The following COL4A4 variants were observed in gnomAD, a reference collection of about 807,000 sequenced individuals.
The protein encoded by COL4A4 is collagen alpha-4(IV) chain.
A neutral mutation model predicts 192.9 loss-of-function variants in COL4A4; 105 were observed. The ratio of observed to expected loss-of-function variants is 0.54; its 90% CI spans 0.46 to 0.64. The LOEUF is 0.64. Ranked by LOEUF, COL4A4 falls within the 30% of genes least tolerant of loss-of-function variation. The pLI, the probability that COL4A4 is intolerant of heterozygous loss-of-function variation, is 0.00. For missense variants in COL4A4, 1,967 were observed against 2,169.3 expected, an observed-to-expected ratio of 0.91 and a Z score of 1.85; for synonymous variants, 762 against 769.9, an observed-to-expected ratio of 0.99 and a Z score of 0.17.
At chr2:227,109,981 T>G (rs2061101002) in intron 9 of COL4A4, among the ~76,000 whole-genome samples, 1 of 152,206 alleles carries the variant, frequency 6.6e-6, no homozygotes, top group Non-Finnish European at 1.5e-5. Context: ...ACATTATATA[T>G]TAATGTATTT....
chr2:227,065,659 G>C (rs1171395876), intron 25 of COL4A4, among the ~76,000 whole-genome samples: 1 of 152,162 alleles, frequency 6.6e-6, no homozygotes, highest in Admixed American at 6.5e-5. Context: ...CAGACCTGCA[G>C]CTGAGGGTAC....
At chr2:227,105,188 ATTT>A (rs36065792) in intron 12 of COL4A4, among the ~76,000 whole-genome samples, 1 of 104,068 alleles carries the variant, frequency 9.6e-6, no homozygotes, top group Admixed American at 1.2e-4. Flanking sequence ...CAGGATCCTG[ATTT>A]TTTTTTTTTT....
At chr2:227,083,469 C>A (rs1218206115) in intron 22 of COL4A4, among the ~76,000 whole-genome samples, 3 of 151,994 alleles carry the variant, frequency 2.0e-5, no homozygotes, top group African/African-American at 7.2e-5. Flanking sequence ...TTTTTTGAGA[C>A]GGGGTCTCAC....
intron 43 of COL4A4, chr2:227,022,653 AT>A (rs1966253956): frequency 1.3e-5 from 6 of 470,644 alleles, no homozygotes; most frequent in South Asian, 9.9e-5. Flanking sequence ...CTAACATAGA[AT>A]TTCAGGATTG....
chr2:227,075,200 C>T (rs183257747), intron 25 of COL4A4, among the ~76,000 whole-genome samples: 4 of 152,146 alleles, frequency 2.6e-5, no homozygotes, highest in Non-Finnish European at 1.5e-5. Flanking sequence ...GACACAACAA[C>T]AAAAATTTTC....
At position 227,047,536 on chromosome 2, in the gene COL4A4, G is replaced by T. The variant is rs1973138989; in HGVS notation, c.3228C>A (p.Asp1076Glu). The change falls in exon 35 of 48, where the codon GAC (aspartate) becomes GAA (glutamate). Residue 1076 changes from aspartate (D) to glutamate (E), a missense_variant. Coordinates refer to ENST00000396625, the MANE Select transcript of COL4A4 (RefSeq NM_000092.5). The part of the protein sequence containing the change: ...GARGPKGNKG[D>E]PASHFGPPGP... ...CAGGTGGACCAAAGTGACTGGCAGG[G>T]TCACCTTTGTTTCCTGAAAGGGATA... The T allele has an allele frequency of 2.5e-6, 4 of 1,613,346 alleles. No homozygotes were observed. Among genetic ancestry groups the T allele is most frequent in the African/African-American group, 2.7e-5 (2 of 74,986 alleles).
intron 3 of COL4A4, among the ~76,000 whole-genome samples, chr2:227,140,918 CA>C (rs1559725981): frequency 2.6e-4 from 38 of 146,384 alleles, no homozygotes; most frequent in East Asian, 7.8e-4. Flanking sequence ...CACACACACA[CA>C]CACCCTTTAG....
chr2:227,111,831 T>A lies in COL4A4; in HGVS notation c.559-118A>T, dbSNP rs191640329. On this transcript the variant is annotated intron_variant, in intron 8 of 47. Transcript: ENST00000396625. ...CTCATCTAACTGCAGTTTGTTCAAT[T>A]TTTTTGGTGTTGACTAAAATTGAGG... is the stretch of plus-strand genomic sequence containing the variant. The A allele has an allele frequency of 4.4e-4, 478 of 1,094,470 alleles. 1 individual carries two copies. In the African/African-American group the frequency reaches 6.3e-3, roughly 15 times the overall value. The allele number at this position is 1,094,470 out of a possible 1,614,324, so 67.8% of individuals were successfully genotyped here.
At chr2:227,031,041 A>ATG (rs1553626076) in intron 40 of COL4A4, among the ~76,000 whole-genome samples, 34 of 146,240 alleles carry the variant, frequency 2.3e-4, no homozygotes, top group African/African-American at 4.4e-4. Flanking sequence ...TTGGATGGAC[A>ATG]GATGGATGGA....
intron 27 of COL4A4, 29 bp downstream of exon 27, chr2:227,060,101 GAAAAAA>G (rs71422223): frequency 3.4e-5 from 17 of 505,754 alleles, no homozygotes; most frequent in Middle Eastern, 5.7e-4. Flanking sequence ...TCCCAAAGCA[GAAAAAA>G]AAAAAAAAAA....
In COL4A4 at chr2:227,069,399, C is replaced by T. The variant is rs527349739; in HGVS notation, c.1988-6801G>A. Among the ~76,000 whole-genome samples, 679 of 152,240 alleles carry T rather than the reference C, an allele frequency of 4.5e-3. 3 individuals are homozygous for T. Among genetic ancestry groups the T allele is most frequent in the Non-Finnish European group, 7.5e-3 (509 of 68,026 alleles). Reference sequence around the variant, plus strand: ...AGTTCATATGGAACCAAAAAAGAGCCGGCATCGCCAAGTCAATCCTAAGCC... The same window carrying T: ...AGTTCATATGGAACCAAAAAAGAGCTGGCATCGCCAAGTCAATCCTAAGCC... On this transcript the variant is annotated intron_variant, in intron 25 of 47. Coordinates refer to ENST00000396625, the MANE Select transcript of COL4A4 (RefSeq NM_000092.5).
intron 31 of COL4A4, 134 bp downstream of exon 31, chr2:227,054,460 C>A: frequency 5.1e-6 from 5 of 976,462 alleles, no homozygotes; most frequent in Non-Finnish European, 7.8e-6. Flanking sequence ...AATTCTAAAA[C>A]AAATACCATA....
At chr2:226,995,483 A>C in the COL4A4 span, 3 of 1,613,468 alleles carry the variant, frequency 1.9e-6, no homozygotes, top group Non-Finnish European at 2.5e-6. Context: ...CACCAGAAGA[A>C]ATGAGGAGAC....
At position 227,140,243 on chromosome 2, in the gene COL4A4, A is replaced by G. The variant is rs1381529399; in HGVS notation, c.115-5T>C. ...ACCAATGTATTTCTTTCCACTCTGG[A>G]AAGTGAAGCATCTTATTTAGTATAC... On this transcript the variant is annotated splice_region_variant and splice_polypyrimidine_tract_variant and intron_variant, in intron 3 of 47. Coordinates refer to ENST00000396625, the MANE Select transcript of COL4A4 (RefSeq NM_000092.5). The G allele has an allele frequency of 1.1e-5, 17 of 1,613,298 alleles. No homozygotes were observed. Among genetic ancestry groups the G allele is most frequent in the Non-Finnish European group, 1.4e-5 (17 of 1,179,356 alleles).
At chr2:227,094,030 C>A (rs576728866) in intron 20 of COL4A4, 95 bp downstream of exon 20, 71 of 1,239,440 alleles carry the variant, frequency 5.7e-5, no homozygotes, top group Non-Finnish European at 7.5e-5. Context: ...CATCATATAA[C>A]TTTTAAAATA....
chr2:227,030,997 A>AGATG (rs1170671778), intron 40 of COL4A4, among the ~76,000 whole-genome samples: 7 of 143,550 alleles, frequency 4.9e-5, no homozygotes, highest in African/African-American at 1.6e-4. Context: ...TGGATAGATA[A>AGATG]GATGGATGGA....
At chr2:227,147,305 T>C in intron 2 of COL4A4, 108 bp downstream of exon 2, 1 of 1,012,140 alleles carries the variant, frequency 9.9e-7, no homozygotes, top group Middle Eastern at 2.0e-4. Context: ...CTTTCTGGAA[T>C]GATTTGGCTT....
intron 37 of COL4A4, among the ~76,000 whole-genome samples, chr2:227,040,602 G>A (rs1279869183): frequency 7.0e-6 from 1 of 143,366 alleles, no homozygotes. Context: ...GTCTTACTCT[G>A]TTGCCTAGGC....
chr2:227,081,234 G>A (rs775351050), intron 23 of COL4A4, among the ~76,000 whole-genome samples: 4 of 152,168 alleles, frequency 2.6e-5, no homozygotes, highest in Non-Finnish European at 4.4e-5. Flanking sequence ...AGTGGACTGC[G>A]ACAGGAAGAC....
Sources: gnomAD v4.1 joint callset for allele counts (sites outside exome capture counted in the v4.1 genomes callset) on GRCh38, gnomAD v4.1.1 for gene constraint, MANE v1.5 for transcripts, NCBI Gene and HGNC (gene_info 2026-07-23, HGNC 2026-07-21) for gene names.